Variants in TRPM8 observed in about 807,000 individuals in gnomAD.
TRPM8 encodes transient receptor potential cation channel subfamily M member 8.
A neutral mutation model predicts 133.7 loss-of-function variants in TRPM8; 110 were observed. The ratio of observed to expected loss-of-function variants is 0.82; its 90% CI spans 0.70 to 0.96. TRPM8 has a LOEUF of 0.96. TRPM8 is among the 40% of genes least tolerant of loss of function. TRPM8 has a pLI of 0.00. For synonymous variants in TRPM8, 535 were observed against 532.3 expected, an observed-to-expected ratio of 1.01 and a Z score of -0.07; for missense variants, 1,291 against 1,379.5, an observed-to-expected ratio of 0.94 and a Z score of 1.02.
At chr2:233,923,759 C>T (rs1012413233) in intron 1 of TRPM8, among the ~76,000 whole-genome samples, 4 of 152,140 alleles carry the variant, frequency 2.6e-5, no homozygotes, top group African/African-American at 9.7e-5. Flanking sequence ...CTCACTCTCT[C>T]TTCTGCCTGG....
chr2:233,993,435 A>C (rs1692330671), intron 21 of TRPM8, among the ~76,000 whole-genome samples: 1 of 152,206 alleles, frequency 6.6e-6, no homozygotes, highest in East Asian at 1.9e-4. Context: ...TAGCTCAGGG[A>C]TCACAGACTT....
chr2:234,011,679 G>C (rs2125408460), intron 24 of TRPM8, among the ~76,000 whole-genome samples: 1 of 152,142 alleles, frequency 6.6e-6, no homozygotes. Context: ...AGCACTTTGG[G>C]AGGCCGAGGC....
Position 233,963,286 on chromosome 2 carries a change from T to G in TRPM8, c.1658T>G (p.Val553Gly). ...CCACATGCTCTAACCCCCCAGGACG[T>G]GTCTCCTATTACTCGGCACCCCCTG... is the stretch of plus-strand genomic sequence containing the variant. ...RDEMDIELHD[V>G]SPITRHPLQA... is the part of the protein sequence containing the mutation. Residue 553 changes from valine (V) to glycine (G), a missense_variant, in exon 13 of 26, where the codon GTG becomes GGG. Transcript: ENST00000324695. 2.5e-6 allele frequency: 4 copies of G among 1,611,380 alleles called. No homozygotes were observed. Among genetic ancestry groups the G allele is most frequent in the Middle Eastern group, 1.7e-4 (1 of 6,052 alleles).
At chr2:234,014,266 G>C (rs190888344) in intron 24 of TRPM8, among the ~76,000 whole-genome samples, 44 of 152,090 alleles carry the variant, frequency 2.9e-4, no homozygotes, top group African/African-American at 1.0e-3. Context: ...TTACTTGTTT[G>C]TATTATTGCA....
intron 15 of TRPM8, among the ~76,000 whole-genome samples, chr2:233,968,481 T>C (rs1691629614): frequency 6.6e-6 from 1 of 152,070 alleles, no homozygotes; most frequent in African/African-American, 2.4e-5. Flanking sequence ...CCAACTGCAA[T>C]TGGTTGTTTG....
chr2:233,927,792 T>TTC (rs1553653692), intron 2 of TRPM8, among the ~76,000 whole-genome samples: 1 of 29,866 alleles, frequency 3.3e-5, no homozygotes, highest in Non-Finnish European at 4.8e-5. Context: ...CTTTCTTTCT[T>TTC]TTCTTTCCTT....
At chr2:233,943,702 A>G (rs182332986) in intron 6 of TRPM8, among the ~76,000 whole-genome samples, 2 of 152,312 alleles carry the variant, frequency 1.3e-5, no homozygotes, top group Non-Finnish European at 2.9e-5. Flanking sequence ...AGGTAGACAT[A>G]TGGGGTTTTG....
At position 233,989,696 on chromosome 2, in the gene TRPM8, C is replaced by T. The variant is rs1307530370; in HGVS notation, c.2939+3831C>T. Among the ~76,000 whole-genome samples the T allele has an allele frequency of 6.6e-6, 1 of 152,136 alleles. No homozygotes were observed. The highest frequency in any genetic ancestry group is 2.4e-5 in the African/African-American group (1 of 41,430). On this transcript the variant is annotated intron_variant, in intron 21 of 25. Coordinates refer to ENST00000324695, the MANE Select transcript of TRPM8 (RefSeq NM_024080.5). The surrounding 1 kb of genome is among the most constrained non-coding windows in gnomAD (Gnocchi z 4.2). Reference sequence around the variant, plus strand: ...CTTATTAACTGCAATGCAAATGTACCTTTGGGAATTCTGAAGGAGTATTGG... The same window carrying T: ...CTTATTAACTGCAATGCAAATGTACTTTTGGGAATTCTGAAGGAGTATTGG...
rs548310640 is a variant in TRPM8 at position 233,945,873 on chromosome 2, G to T, written c.717G>T (p.Gln239His). The T allele has an allele frequency of 2.0e-5, 32 of 1,613,702 alleles. No homozygotes were observed. The South Asian group carries it at 3.4e-4, about 17-fold the overall frequency. The change falls in exon 7 of 26, where the codon CAG becomes CAT. Residue 239 changes from glutamine to histidine, a missense_variant. Coordinates refer to ENST00000324695, the MANE Select transcript of TRPM8 (RefSeq NM_024080.5). ...CTTTTCAGGGCTATTTTTTAGCCCA[G>T]TACCTTATGGATGACTTCACAAGAG... is the stretch of plus-strand genomic sequence containing the variant. ...NCDAEGYFLAQYLMDDFTRDP... is the reference protein window; with the variant it reads ...NCDAEGYFLAHYLMDDFTRDP...
Position 234,002,537 on chromosome 2 carries a change from G to T in TRPM8, c.3131-4316G>T, listed in dbSNP as rs1240991705. ...ATGAGCAAAGATACTCCCAGGGCTG[G>T]TGTGGGGAGACCCACAGATCACCAC... On this transcript the variant is annotated intron_variant, in intron 22 of 25. Transcript: ENST00000324695. 9.2e-5 allele frequency among the ~76,000 whole-genome samples: 14 copies of T among 152,206 alleles called. 1 individual carries two copies. Among genetic ancestry groups the T allele is most frequent in the Non-Finnish European group, 2.1e-4 (14 of 68,042 alleles).
At chr2:233,963,159 C>T in intron 12 of TRPM8, 123 bp from the exon 13 acceptor site, 1 of 538,624 alleles carries the variant, frequency 1.9e-6, no homozygotes, top group South Asian at 3.6e-5. Flanking sequence ...CATCACTGTA[C>T]TGTGAGAATG....
chr2:233,922,538 GA>G (rs199623518), intron 1 of TRPM8, among the ~76,000 whole-genome samples: 5 of 151,656 alleles, frequency 3.3e-5, no homozygotes, highest in Middle Eastern at 3.4e-3. Context: ...CATTTAAACT[GA>G]AAAAAAACCT....
intron 20 of TRPM8, among the ~76,000 whole-genome samples, chr2:233,984,537 C>T (rs1428385468): frequency 6.6e-6 from 1 of 152,172 alleles, no homozygotes; most frequent in Non-Finnish European, 1.5e-5. Context: ...CTATTCAATT[C>T]ATCCACTAGT....
At chr2:234,004,042 C>T (rs1692633359) in intron 22 of TRPM8, among the ~76,000 whole-genome samples, 1 of 152,066 alleles carries the variant, frequency 6.6e-6, no homozygotes, top group South Asian at 2.1e-4. Context: ...AACAAATCCC[C>T]CAATTTGGCC....
At chr2:233,981,944 A>C (rs142199338) in intron 19 of TRPM8, 29 bp downstream of exon 19, 36 of 1,567,852 alleles carry the variant, frequency 2.3e-5, no homozygotes, top group Non-Finnish European at 3.1e-5. Context: ...TGTAGTCATC[A>C]TTTTTCTTGC....
chr2:233,963,326 C>T lies in TRPM8; in HGVS notation c.1698C>T (p.Ile566=). The T allele has an allele frequency of 1.9e-6, 3 of 1,613,598 alleles. No homozygotes were observed. The highest frequency in any genetic ancestry group is 2.5e-6 in the Non-Finnish European group (3 of 1,179,760). The stretch of plus-strand genomic sequence containing the variant: ...GGCACCCCCTGCAAGCTCTCTTCAT[C>T]TGGGCCATTCTTCAGAATAAGAAGG... ...ITRHPLQALF[I]WAILQNKKEL... The change falls in exon 13 of 26, where the codon ATC becomes ATT. Residue 566 remains isoleucine (I), a synonymous_variant. Coordinates refer to ENST00000324695, the MANE Select transcript of TRPM8 (RefSeq NM_024080.5).
chr2:233,982,102 G>A (rs1460619114), intron 19 of TRPM8, among the ~76,000 whole-genome samples, 187 bp downstream of exon 19: 1 of 152,194 alleles, frequency 6.6e-6, no homozygotes, highest in Non-Finnish European at 1.5e-5. Flanking sequence ...GGTTGTGAGG[G>A]CAAACAGTGT....
chr2:233,937,270 G>T, intron 3 of TRPM8, 83 bp from the exon 4 acceptor site: 2 of 1,506,426 alleles, frequency 1.3e-6, no homozygotes, highest in Non-Finnish European at 1.8e-6. Context: ...TCCTTTGTGT[G>T]TCTATTTAAG....
intron 8 of TRPM8, chr2:233,947,667 G>C (rs1023160604): frequency 8.4e-7 from 1 of 1,192,112 alleles, no homozygotes; most frequent in Non-Finnish European, 1.1e-6. Flanking sequence ...GCAACACTGA[G>C]CAACTGAGCA....
Sources: allele counts gnomAD v4.1 joint callset (sites outside exome capture counted in the v4.1 genomes callset), GRCh38; gene constraint gnomAD v4.1.1; non-coding constraint Gnocchi (gnomAD v3.1); transcripts MANE v1.5; gene names NCBI Gene and HGNC (gene_info 2026-07-23, HGNC 2026-07-21).